GUCY1A2: variants seen among roughly 807,000 people sequenced by gnomAD.
GUCY1A2 encodes the protein guanylate cyclase soluble subunit alpha-2.
A neutral mutation model predicts 63.5 loss-of-function variants in GUCY1A2; 27 were observed. The ratio of observed to expected loss-of-function variants is 0.43; its 90% confidence interval spans 0.31 to 0.59. The LOEUF (loss-of-function observed/expected upper bound fraction) is 0.59. Ranked by LOEUF, GUCY1A2 falls within the 20% of genes least tolerant of loss-of-function variation. The probability of loss-of-function intolerance (pLI) is 0.11; values close to 1 mark genes in which losing one functional copy is unlikely to be tolerated. For synonymous variants in GUCY1A2, 364 were observed against 343.5 expected, an observed-to-expected ratio of 1.06 and a Z score of -0.66; for missense variants, 768 against 913.3, an observed-to-expected ratio of 0.84 and a Z score of 2.05.
At chr11:106,741,315 C>T (rs570933859) in intron 6 of GUCY1A2, among the ~76,000 whole-genome samples, 1 of 152,116 alleles carries the variant, frequency 6.6e-6, no homozygotes, top group Non-Finnish European at 1.5e-5. Flanking sequence ...TTTGACTAGC[C>T]ATATCTAAAG....
At chr11:106,787,589 G>GA (rs1352112064) in intron 5 of GUCY1A2, among the ~76,000 whole-genome samples, 8 of 143,108 alleles carry the variant, frequency 5.6e-5, no homozygotes, top group African/African-American at 1.6e-4. Flanking sequence ...AAAGAAAAAG[G>GA]AAGGGAAGGG....
intron 3 of GUCY1A2, among the ~76,000 whole-genome samples, chr11:106,953,622 AGAATTCAGCTGT>A (rs1860941626): frequency 6.6e-6 from 1 of 151,998 alleles, no homozygotes; most frequent in African/African-American, 2.4e-5. Context: ...TATTTCTGGT[AGAATTCAGCTGT>A]GAATCCATCT....
intron 5 of GUCY1A2, among the ~76,000 whole-genome samples, chr11:106,802,939 C>T (rs1023624070): frequency 6.6e-6 from 1 of 152,050 alleles, no homozygotes; most frequent in African/African-American, 2.4e-5. Flanking sequence ...TTGTAAAAAT[C>T]AAAAACACCA....
intron 4 of GUCY1A2, among the ~76,000 whole-genome samples, chr11:106,831,165 A>T (rs1859044967): frequency 6.6e-6 from 1 of 152,228 alleles, no homozygotes; most frequent in African/African-American, 2.4e-5. Flanking sequence ...TAGTTTTATC[A>T]ATTAAAAACA....
In GUCY1A2 at chr11:106,759,812, G is replaced by C. The variant is rs7112222; in HGVS notation, c.1836+16627C>G. Among the ~76,000 whole-genome samples, 957 of 152,328 alleles carry C rather than the reference G, an allele frequency of 6.3e-3. 15 individuals are homozygous for C. The highest frequency in any genetic ancestry group is 0.021 in the African/African-American group (881 of 41,578). On this transcript the variant is annotated intron_variant, in intron 6 of 7. Coordinates refer to ENST00000526355, the MANE Select transcript of GUCY1A2 (RefSeq NM_000855.3). Reference sequence around the variant, plus strand: ...TAGCCAGTCGTTGGGGCAGGCGTCTGTAATCCCAGCTACTGGGGAGGCTGA... The same window carrying C: ...TAGCCAGTCGTTGGGGCAGGCGTCTCTAATCCCAGCTACTGGGGAGGCTGA...
intron 6 of GUCY1A2, among the ~76,000 whole-genome samples, chr11:106,710,660 C>A (rs773031886): frequency 6.6e-6 from 1 of 151,596 alleles, no homozygotes; most frequent in African/African-American, 2.4e-5. Flanking sequence ...CTGGTCCATG[C>A]CTTGAAAAAG....
rs183581803 is a variant in GUCY1A2 at position 106,955,496 on chromosome 11, T to C, written c.488-15318A>G. ...TTTAGGAGCTCTTGCAGGGCAGGAC[T>C]GGTGGTAATGAAATCCCTCAGCATT... is the stretch of plus-strand genomic sequence containing the variant. On this transcript the variant is annotated intron_variant, in intron 3 of 7. Transcript: ENST00000526355. Among the ~76,000 whole-genome samples, 247 of 152,346 alleles carry C rather than the reference T, an allele frequency of 1.6e-3. 2 individuals carry two copies. The highest frequency in any genetic ancestry group is 2.9e-3 in the Non-Finnish European group (195 of 68,032).
intron 4 of GUCY1A2, among the ~76,000 whole-genome samples, chr11:106,869,659 G>A (rs1390965935): frequency 6.6e-6 from 1 of 152,150 alleles, no homozygotes; most frequent in African/African-American, 2.4e-5. Flanking sequence ...CTGTTGGTGG[G>A]ACTGTAAACT....
chr11:106,942,816 G>A (rs755452531), intron 3 of GUCY1A2, among the ~76,000 whole-genome samples: 6 of 152,056 alleles, frequency 3.9e-5, no homozygotes, highest in East Asian at 1.9e-4. Flanking sequence ...TACTCTATGC[G>A]CAGCAATCTA....
rs1248023233 is a variant in GUCY1A2 at position 106,986,086 on chromosome 11, C to T, written c.349G>A (p.Glu117Lys). The T allele has an allele frequency of 6.8e-7, 1 of 1,480,876 alleles. No homozygotes were observed. The highest frequency in any genetic ancestry group is 1.7e-5 in the Admixed American group (1 of 59,850). The allele number at this position is 1,480,876 out of a possible 1,614,324, so 91.7% of individuals were successfully genotyped here. ...QTLKRTLQYY[E>K]HQVIGYRDAE... The stretch of plus-strand genomic sequence containing the variant: ...TTTACTTACCCAATAACTTGATGTT[C>T]ATAATACTGCAGTGTCCTCTTGAGA... Residue 117 changes from glutamate (E) to lysine (K), a missense_variant, in exon 2 of 8, where the codon GAA becomes AAA. Around this residue, in one of 3 missense-constraint regions of GUCY1A2, gnomAD observed 496 missense variants for 486.9 expected, o/e 1.02. Coordinates refer to ENST00000526355, the MANE Select transcript of GUCY1A2 (RefSeq NM_000855.3).
At chr11:106,691,100 A>C (rs534545105) in intron 7 of GUCY1A2, among the ~76,000 whole-genome samples, 1 of 152,324 alleles carries the variant, frequency 6.6e-6, no homozygotes, top group African/African-American at 2.4e-5. Flanking sequence ...AACAGTCATC[A>C]ATGTGTAATA....
At chr11:106,895,355 T>C (rs1565323438) in intron 4 of GUCY1A2, among the ~76,000 whole-genome samples, 1 of 152,164 alleles carries the variant, frequency 6.6e-6, no homozygotes, top group South Asian at 2.1e-4. Context: ...TCCCATAATA[T>C]AGAAGTGATG....
At chr11:106,800,394 G>A (rs377366663) in intron 5 of GUCY1A2, among the ~76,000 whole-genome samples, 3 of 151,984 alleles carry the variant, frequency 2.0e-5, no homozygotes, top group Non-Finnish European at 2.9e-5. Flanking sequence ...CTGGGTATAT[G>A]CCCAAAGGAT....
At chr11:106,711,550 C>T (rs1224558003) in intron 6 of GUCY1A2, among the ~76,000 whole-genome samples, 1 of 152,096 alleles carries the variant, frequency 6.6e-6, no homozygotes, top group Non-Finnish European at 1.5e-5. Flanking sequence ...TTCATTGGTC[C>T]TTCTTCATGT....
chr11:106,842,488 A>G (rs1859213213), intron 4 of GUCY1A2, among the ~76,000 whole-genome samples: 1 of 151,990 alleles, frequency 6.6e-6, no homozygotes, highest in Non-Finnish European at 1.5e-5. Flanking sequence ...CTATATTCCT[A>G]TATTTCTATA....
Position 107,017,965 on chromosome 11 carries a change from G to A in GUCY1A2, c.91C>T (p.Leu31=). The A allele has an allele frequency of 1.4e-6, 2 of 1,436,874 alleles. No homozygotes were observed. The highest frequency in any genetic ancestry group is 1.9e-4 in the Middle Eastern group (1 of 5,276). The allele number at this position is 1,436,874 out of a possible 1,614,324, so 89.0% of individuals were successfully genotyped here. A position where few individuals can be genotyped will look rare whatever the true frequency, so the allele number is the denominator to read the frequency against. Residue 31 remains leucine (L), a synonymous_variant, in exon 1 of 8, where the codon CTG becomes TTG. Coordinates refer to ENST00000526355, the MANE Select transcript of GUCY1A2 (RefSeq NM_000855.3). ...TSPEEEGECP[L]SRLCWNGSRS... ...CTGCCATTCCAGCAGAGCCTAGACAGGGGGCACTCCCCCTCCTCCTCCGGG... is the reference window on the plus strand; with the variant it reads ...CTGCCATTCCAGCAGAGCCTAGACAAGGGGCACTCCCCCTCCTCCTCCGGG...
In GUCY1A2 at chr11:106,969,113, A is replaced by G. The variant is rs571516498; in HGVS notation, c.487+9506T>C. 2.0e-5 allele frequency among the ~76,000 whole-genome samples: 3 copies of G among 152,338 alleles called. No individual in the cohort carries two copies. In the East Asian group the frequency reaches 5.8e-4, roughly 29 times the overall value. On this transcript the variant is annotated intron_variant, in intron 3 of 7. Coordinates refer to ENST00000526355, the MANE Select transcript of GUCY1A2 (RefSeq NM_000855.3). Reference sequence around the variant, plus strand: ...GAAAAATGGGACTAACAGTGGGATCATAAGGGGAATTTACCATATATAAAA... The same window carrying G: ...GAAAAATGGGACTAACAGTGGGATCGTAAGGGGAATTTACCATATATAAAA...
intron 6 of GUCY1A2, among the ~76,000 whole-genome samples, chr11:106,758,287 G>C (rs534100121): frequency 6.6e-6 from 1 of 152,230 alleles, no homozygotes; most frequent in South Asian, 2.1e-4. Context: ...CTATGTGGGC[G>C]TGGGACCCAC....
intron 4 of GUCY1A2, among the ~76,000 whole-genome samples, chr11:106,892,760 G>C (rs1212970313): frequency 6.6e-6 from 1 of 152,104 alleles, no homozygotes; most frequent in East Asian, 1.9e-4. Flanking sequence ...ATTGTGTGAT[G>C]GGGGTCTTGG....
Sources: gnomAD v4.1 joint callset for allele counts (sites outside exome capture counted in the v4.1 genomes callset) on GRCh38, gnomAD v4.1.1 for gene constraint, gnomAD v4.1.1 regional missense constraint, MANE v1.5 for transcripts, NCBI Gene and HGNC (gene_info 2026-07-23, HGNC 2026-07-21) for gene names.